The following DLG2 variants were observed in gnomAD, a reference collection of about 807,000 sequenced individuals.
DLG2 encodes the protein disks large homolog 2.
A neutral mutation model predicts 132.5 loss-of-function variants in DLG2; 45 were observed. The observed-to-expected ratio is 0.34, with a 90% confidence interval of 0.27 to 0.44. The LOEUF (loss-of-function observed/expected upper bound fraction) is 0.44, where lower values mean the gene tolerates loss of function less well. Ranked by LOEUF, DLG2 falls within the 20% of genes least tolerant of loss-of-function variation. The probability of loss-of-function intolerance (pLI) is 1.00; values close to 1 mark genes in which losing one functional copy is unlikely to be tolerated. For missense variants in DLG2, 1,045 were observed against 1,196.9 expected, an observed-to-expected ratio of 0.87 and a Z score of 1.87; for synonymous variants, 424 against 419.6, an observed-to-expected ratio of 1.01 and a Z score of -0.13.
chr11:84,650,863 GTGTGTGTGTGTA>G lies in DLG2; in HGVS notation c.358-116144_358-116133del, dbSNP rs1468365948. On this transcript the variant is annotated intron_variant, in intron 6 of 27. Transcript: ENST00000376104. Reference sequence around the variant, plus strand: ...AACTTTCCTGTATGTGTGTGTGTGTGTGTGTGTGTGTATATATATATATATATATATATATAT... The same window carrying G: ...AACTTTCCTGTATGTGTGTGTGTGTGTATATATATATATATATATATATAT... 6.1e-3 allele frequency among the ~76,000 whole-genome samples: 558 copies of G among 92,218 alleles called. 7 individuals carry two copies. The highest frequency in any genetic ancestry group is 0.024 in the African/African-American group (536 of 22,118). 60.5% of individuals were successfully genotyped at this position (92,218 alleles called of 152,430 possible). A position where few individuals can be genotyped will look rare whatever the true frequency, so the allele number is the denominator to read the frequency against.
intron 18 of DLG2, among the ~76,000 whole-genome samples, chr11:83,649,044 G>A (rs577942873): frequency 3.9e-5 from 6 of 152,196 alleles, no homozygotes; most frequent in South Asian, 2.1e-4. Context: ...GGATGGTCTC[G>A]TGGGTCTGGT....
chr11:84,130,736 C>T (rs2094389532), intron 9 of DLG2, among the ~76,000 whole-genome samples: 1 of 151,740 alleles, frequency 6.6e-6, no homozygotes, highest in South Asian at 2.1e-4. Flanking sequence ...CACTGCTCTC[C>T]AAAACAGACA....
chr11:84,310,455 A>G (rs924416249), intron 7 of DLG2, among the ~76,000 whole-genome samples: 1 of 152,212 alleles, frequency 6.6e-6, no homozygotes, highest in Non-Finnish European at 1.5e-5. Context: ...GTGATTATGC[A>G]ATAAATATTG....
chr11:84,541,046 T>C (rs1426082298), intron 6 of DLG2, among the ~76,000 whole-genome samples: 1 of 151,592 alleles, frequency 6.6e-6, no homozygotes, highest in Non-Finnish European at 1.5e-5. Flanking sequence ...TGTCATGTGG[T>C]GGAGGGAGAG....
chr11:83,971,238 C>A (rs761181717), intron 12 of DLG2, among the ~76,000 whole-genome samples: 1 of 151,974 alleles, frequency 6.6e-6, no homozygotes, highest in Non-Finnish European at 1.5e-5. Flanking sequence ...CTGTGGGGTG[C>A]ACCACACAGA....
At chr11:84,467,448 C>T (rs753651134) in intron 7 of DLG2, among the ~76,000 whole-genome samples, 18 of 151,166 alleles carry the variant, frequency 1.2e-4, no homozygotes, top group Admixed American at 2.0e-4. Flanking sequence ...AGAGAGTAAA[C>T]GTGGCAAAAC....
chr11:84,174,137 A>T (rs1195865895), intron 8 of DLG2, among the ~76,000 whole-genome samples: 2 of 147,146 alleles, frequency 1.4e-5, no homozygotes, highest in African/African-American at 5.1e-5. Context: ...CTACCACTCT[A>T]TATCTCTGTT....
chr11:84,083,506 GT>G (rs2096932223), intron 10 of DLG2, among the ~76,000 whole-genome samples: 1 of 152,196 alleles, frequency 6.6e-6, no homozygotes, highest in South Asian at 2.1e-4. Flanking sequence ...ATGCAACAGT[GT>G]TGGGAGGTCA....
intron 7 of DLG2, among the ~76,000 whole-genome samples, chr11:84,373,379 G>T (rs754754408): frequency 1.3e-5 from 2 of 151,666 alleles, no homozygotes; most frequent in Admixed American, 6.6e-5. Context: ...AGACCAGCCT[G>T]GCCAACAAGA....
chr11:83,928,669 C>A (rs1471450287), intron 15 of DLG2, among the ~76,000 whole-genome samples: 1 of 152,116 alleles, frequency 6.6e-6, no homozygotes, highest in Admixed American at 6.5e-5. Flanking sequence ...TGAATCCCAG[C>A]TGTCACTTAC....
intron 4 of DLG2, among the ~76,000 whole-genome samples, chr11:85,233,409 TCA>T (rs1201430720): frequency 1.3e-5 from 2 of 151,956 alleles, no homozygotes; most frequent in African/African-American, 4.8e-5. Flanking sequence ...CCCTCATTTT[TCA>T]CAGAGTCAGC....
intron 3 of DLG2, among the ~76,000 whole-genome samples, chr11:85,381,723 A>G (rs2085907225): frequency 6.6e-6 from 1 of 152,214 alleles, no homozygotes; most frequent in Non-Finnish European, 1.5e-5. Flanking sequence ...TGAACAGTCC[A>G]AAAATAAAAT....
At chr11:83,677,492 G>T (rs1592273123) in intron 18 of DLG2, among the ~76,000 whole-genome samples, 2 of 152,198 alleles carry the variant, frequency 1.3e-5, no homozygotes, top group East Asian at 3.9e-4. Context: ...AACTTCCTGA[G>T]ACAGGAATTG....
chr11:83,592,027 T>C (rs1458823607), intron 19 of DLG2, among the ~76,000 whole-genome samples: 5 of 147,706 alleles, frequency 3.4e-5, no homozygotes, highest in African/African-American at 1.2e-4. Flanking sequence ...TCCATGCTCA[T>C]GGGTAGGAAG....
intron 6 of DLG2, among the ~76,000 whole-genome samples, chr11:84,666,985 T>G (rs1446761399): frequency 6.6e-6 from 1 of 152,150 alleles, no homozygotes; most frequent in African/African-American, 2.4e-5. Flanking sequence ...TACATATCCC[T>G]CTTTTTTAAC....
At chr11:84,130,560 T>C (rs2094379687) in intron 9 of DLG2, among the ~76,000 whole-genome samples, 1 of 148,532 alleles carries the variant, frequency 6.7e-6, no homozygotes, top group African/African-American at 2.5e-5. Context: ...AAAGTATATA[T>C]AAGTATACGC....
chr11:83,791,116 C>T (rs1169208420), intron 17 of DLG2: 1 of 668,900 alleles, frequency 1.5e-6, no homozygotes, highest in Non-Finnish European at 2.7e-6. Flanking sequence ...TGACTCTCAC[C>T]TCCATCTTGA....
intron 2 of DLG2, among the ~76,000 whole-genome samples, chr11:85,604,104 A>C (rs1433797739): frequency 6.6e-6 from 1 of 152,252 alleles, no homozygotes; most frequent in African/African-American, 2.4e-5. Context: ...GTATTGATTC[A>C]AAACAGCTAG....
intron 6 of DLG2, among the ~76,000 whole-genome samples, chr11:84,835,642 TTCA>T (rs1339722893): frequency 6.6e-6 from 1 of 151,782 alleles, no homozygotes; most frequent in Non-Finnish European, 1.5e-5. Context: ...CTTCTCAGCC[TTCA>T]TCATACAGCT....
Sources: gnomAD v4.1 joint callset for allele counts (sites outside exome capture counted in the v4.1 genomes callset) on GRCh38, gnomAD v4.1.1 for gene constraint, MANE v1.5 for transcripts, NCBI Gene and HGNC (gene_info 2026-07-23, HGNC 2026-07-21) for gene names.